The following POLQ variants were observed in gnomAD, a reference collection of about 807,000 sequenced individuals.
POLQ encodes epididymis secretory sperm binding protein.
POLQ carries 233 observed loss-of-function variants against 259.2 expected under a neutral mutation model. That is an observed-to-expected ratio of 0.90 (90% CI 0.81 to 1.00). The LOEUF (loss-of-function observed/expected upper bound fraction) is 1.00. Ranked by LOEUF, POLQ falls within the 50% of genes least tolerant of loss-of-function variation. The pLI, the probability that POLQ is intolerant of heterozygous loss-of-function variation, is 0.00. For missense variants in POLQ, 2,871 were observed against 3,051.6 expected, an observed-to-expected ratio of 0.94 and a Z score of 1.39; for synonymous variants, 1,025 against 1,048.8, an observed-to-expected ratio of 0.98 and a Z score of 0.44.
In POLQ at chr3:121,511,849, T is replaced by G. The variant is rs377415593; in HGVS notation, c.1611+38A>C. ...TACTAACATTTTACTAATTTAGGCA[T>G]AAAAGAGCAAATGGTAATTTAGTAA... On this transcript the variant is annotated intron_variant, in intron 10 of 29. Transcript: ENST00000264233. 9.1e-6 allele frequency: 14 copies of G among 1,534,156 alleles called. No homozygotes were observed. In the African/African-American group the frequency reaches 1.4e-4, roughly 15 times the overall value.
In POLQ at chr3:121,488,715, C is replaced by T. The variant is rs771612006; in HGVS notation, c.4216G>A (p.Gly1406Arg). The change falls in exon 16 of 30, where the codon GGG (glycine) becomes AGG (arginine). Residue 1406 changes from glycine to arginine, a missense_variant. Physicochemically the swap from Gly to Arg is moderately radical, Grantham distance 125. Transcript: ENST00000264233. ...CTTTCTGGAGTCAGGATATCAACCC[C>T]ATGTGAATCACTGCTTTGTTTCATA... ...GTMKQSSDSH[G>R]VDILTPESPI... 6.2e-7 allele frequency: 1 copy of T among 1,613,938 alleles called. No individual in the cohort carries two copies. The highest frequency in any genetic ancestry group is 8.5e-7 in the Non-Finnish European group (1 of 1,179,906).
At chr3:121,484,956 G>A in intron 17 of POLQ, 85 bp downstream of exon 17, 1 of 1,060,760 alleles carries the variant, frequency 9.4e-7, no homozygotes. Flanking sequence ...TAAATATCAG[G>A]AAATTATTCT....
chr3:121,528,627 GCCA>G, intron 7 of POLQ, among the ~76,000 whole-genome samples: 1 of 152,044 alleles, frequency 6.6e-6, no homozygotes. Flanking sequence ...ACAGGCATGA[GCCA>G]CCACGCCTGG....
In POLQ at chr3:121,528,825, G is replaced by A. The variant is rs915368730; in HGVS notation, c.1108+820C>T. 2.2e-4 allele frequency among the ~76,000 whole-genome samples: 33 copies of A among 152,046 alleles called. 1 individual carries two copies. The highest frequency in any genetic ancestry group is 2.2e-3 in the Admixed American group (33 of 15,268). ...AAATTAGCCGGGCATGATGGCGGGTGCTTGTAATCCCAGCTACTGGGGAGG... is the reference window on the plus strand; with the variant it reads ...AAATTAGCCGGGCATGATGGCGGGTACTTGTAATCCCAGCTACTGGGGAGG... On this transcript the variant is annotated intron_variant, in intron 7 of 29. Coordinates refer to ENST00000264233, the MANE Select transcript of POLQ (RefSeq NM_199420.4).
At position 121,490,240 on chromosome 3, in the gene POLQ, T is replaced by C. The variant is rs766821870; in HGVS notation, c.2691A>G (p.Gln897=). 1 of 1,614,218 alleles carries C rather than the reference T, an allele frequency of 6.2e-7. No individual in the cohort carries two copies. The highest frequency in any genetic ancestry group is 8.5e-7 in the Non-Finnish European group (1 of 1,180,016). ...LQQDLVEMGV[Q]WNPCALLHSS... ...AATGTAACAGGGCACATGGATTCCA[T>C]TGCACTCCCATTTCAACTAAGTCCT... Residue 897 remains glutamine (Q), a synonymous_variant, in exon 16 of 30, where the codon CAA becomes CAG. Coordinates refer to ENST00000264233, the MANE Select transcript of POLQ (RefSeq NM_199420.4).
At chr3:121,438,866 G>C (rs1301351524) in intron 27 of POLQ, among the ~76,000 whole-genome samples, 4 of 152,186 alleles carry the variant, frequency 2.6e-5, no homozygotes, top group Non-Finnish European at 5.9e-5. Flanking sequence ...TGGGAGGCTA[G>C]AGAGTAAAGC....
In POLQ at chr3:121,432,345, T is replaced by C; in HGVS notation, c.7732A>G (p.Ile2578Val). 6.2e-7 allele frequency: 1 copy of C among 1,607,874 alleles called. No homozygotes were observed. The highest frequency in any genetic ancestry group is 8.5e-7 in the Non-Finnish European group (1 of 1,177,194). ...LSVKLKVKVK[I>V]GASWGELKDF... ...TTTAGCTCTCCCCAGCTGGCGCCTATTTTCACTTTCACTTTCAATTTCACA... is the reference window on the plus strand; with the variant it reads ...TTTAGCTCTCCCCAGCTGGCGCCTACTTTCACTTTCACTTTCAATTTCACA... Residue 2578 changes from isoleucine to valine, a missense_variant, in exon 30 of 30, where the codon ATA becomes GTA. By Grantham distance (29) the Ile-to-Val change is conservative. Around this residue, in one of 3 missense-constraint regions of POLQ, gnomAD observed 2,080 missense variants for 2,126.0 expected, o/e 0.98. Transcript: ENST00000264233.
At position 121,448,695 on chromosome 3, in the gene POLQ, G is replaced by T. The variant is rs1016626458; in HGVS notation, c.7264+620C>A. Reference sequence around the variant, plus strand: ...TTGCTTGCTTCAGTACCAATACAAGGGGGATAAGGGATAAGGGACAGGGTT... The same window carrying T: ...TTGCTTGCTTCAGTACCAATACAAGTGGGATAAGGGATAAGGGACAGGGTT... On this transcript the variant is annotated intron_variant, in intron 26 of 29. Coordinates refer to ENST00000264233, the MANE Select transcript of POLQ (RefSeq NM_199420.4). Among the ~76,000 whole-genome samples the T allele has an allele frequency of 2.0e-5, 3 of 152,210 alleles. No individual in the cohort carries two copies. The East Asian group carries it at 5.8e-4, about 29-fold the overall frequency.
intron 12 of POLQ, among the ~76,000 whole-genome samples, chr3:121,506,405 A>G (rs552398420): frequency 7.0e-4 from 88 of 125,174 alleles, no homozygotes; most frequent in Middle Eastern, 4.3e-3. Flanking sequence ...TTTTCATCCA[A>G]CCTCCTCACA....
chr3:121,519,876 G>A lies in POLQ; in HGVS notation c.1463C>T (p.Thr488Ile). The A allele has an allele frequency of 6.6e-7, 1 of 1,514,522 alleles. No individual in the cohort carries two copies. The highest frequency in any genetic ancestry group is 9.2e-7 in the Non-Finnish European group (1 of 1,089,440). The allele number at this position is 1,514,522 out of a possible 1,614,324, so 93.8% of individuals were successfully genotyped here. A position where few individuals can be genotyped will look rare whatever the true frequency, so the allele number is the denominator to read the frequency against. Reference protein sequence around the residue: ...VGRAGRKGVDTVGESILICKN... With the variant: ...VGRAGRKGVDIVGESILICKN... Reference sequence around the variant, plus strand: ...TTAAATTCAAACTCACTTACCTACTGTGTCCACTCCTTTCCTGCCAGCACG... The same window carrying A: ...TTAAATTCAAACTCACTTACCTACTATGTCCACTCCTTTCCTGCCAGCACG... Residue 488 changes from threonine to isoleucine, a missense_variant, in exon 9 of 30, where the codon ACA (threonine) becomes ATA (isoleucine). Thr to Ile is a moderately conservative substitution (Grantham distance 89). Coordinates refer to ENST00000264233, the MANE Select transcript of POLQ (RefSeq NM_199420.4).
chr3:121,515,172 T>A (rs766073904), intron 9 of POLQ, among the ~76,000 whole-genome samples: 17 of 152,162 alleles, frequency 1.1e-4, no homozygotes, highest in Admixed American at 2.6e-4. Flanking sequence ...GCATTTTTTT[T>A]ATTTTATTTT....
At chr3:121,541,513 A>G in intron 2 of POLQ, 34 bp from the exon 3 acceptor site, 1 of 1,562,156 alleles carries the variant, frequency 6.4e-7, no homozygotes, top group Non-Finnish European at 8.7e-7. Flanking sequence ...ATTATAAGAA[A>G]AAAGTAATAT....
chr3:121,459,928 T>A, intron 25 of POLQ, 122 bp downstream of exon 25: 1 of 737,064 alleles, frequency 1.4e-6, no homozygotes, highest in Non-Finnish European at 2.3e-6. Context: ...AGATGAACTG[T>A]GCTTTGAAAG....
chr3:121,509,987 C>G, intron 11 of POLQ, 52 bp downstream of exon 11: 2 of 1,388,106 alleles, frequency 1.4e-6, no homozygotes, highest in Non-Finnish European at 2.0e-6. Flanking sequence ...AGTCATACAA[C>G]CTCACTAAAG....
chr3:121,518,770 A>T (rs1212429288), intron 9 of POLQ, among the ~76,000 whole-genome samples: 21 of 126,074 alleles, frequency 1.7e-4, no homozygotes, highest in Non-Finnish European at 8.7e-5. Flanking sequence ...TTTTTTTTTG[A>T]CATATCTAAT....
At position 121,510,210 on chromosome 3, in the gene POLQ, C is replaced by T; in HGVS notation, c.1645G>A (p.Asp549Asn). 2 of 1,613,222 alleles carry T rather than the reference C, an allele frequency of 1.2e-6. No individual in the cohort carries two copies. The highest frequency in any genetic ancestry group is 1.1e-5 in the South Asian group (1 of 91,056). ...IVGGVASTSQ[D>N]MHTYAACTFL... is the part of the protein sequence containing the mutation. Reference sequence around the variant, plus strand: ...GTGCAGGCAGCATAAGTATGCATATCTTGTGATGTACTTGCCACTCCACCA... The same window carrying T: ...GTGCAGGCAGCATAAGTATGCATATTTTGTGATGTACTTGCCACTCCACCA... Residue 549 changes from aspartate (D) to asparagine (N), a missense_variant, in exon 11 of 30, where the codon GAT becomes AAT. By Grantham distance (23) the Asp-to-Asn change is conservative. Transcript: ENST00000264233.
At chr3:121,538,037 C>T (rs561575343) in intron 4 of POLQ, among the ~76,000 whole-genome samples, 4 of 152,078 alleles carry the variant, frequency 2.6e-5, no homozygotes, top group Non-Finnish European at 5.9e-5. Context: ...GGGAAAACTG[C>T]CTCTCATTAC....
At chr3:121,461,667 AAG>A (rs1276634192) in intron 24 of POLQ, among the ~76,000 whole-genome samples, 6 of 151,486 alleles carry the variant, frequency 4.0e-5, no homozygotes, top group Admixed American at 6.6e-5. Context: ...AAAAAAAAGA[AAG>A]AAAAAGAAAC....
rs1239944975 is a variant in POLQ at position 121,442,730 on chromosome 3, G to C, written c.7265-2614C>G. Among the ~76,000 whole-genome samples the C allele has an allele frequency of 3.3e-5, 5 of 152,292 alleles. No homozygotes were observed. The East Asian group carries it at 9.6e-4, about 29-fold the overall frequency. ...GATGCTTCCAAATCCTGGCTATTGTGAATAGTGCTGCAATAAACATGGGAG... is the reference window on the plus strand; with the variant it reads ...GATGCTTCCAAATCCTGGCTATTGTCAATAGTGCTGCAATAAACATGGGAG... On this transcript the variant is annotated intron_variant, in intron 26 of 29. Transcript: ENST00000264233.
Sources: allele counts gnomAD v4.1 joint callset (sites outside exome capture counted in the v4.1 genomes callset), GRCh38; gene constraint gnomAD v4.1.1; regional missense constraint gnomAD v4.1.1; transcripts MANE v1.5; gene names NCBI Gene and HGNC (gene_info 2026-07-23, HGNC 2026-07-21).